Variants in ARNT observed in about 807,000 individuals in gnomAD.
ARNT encodes aryl hydrocarbon receptor nuclear translocator.
A neutral mutation model predicts 105.0 loss-of-function variants in ARNT; 30 were observed. The ratio of observed to expected loss-of-function variants is 0.29; its 90% CI spans 0.21 to 0.39. The LOEUF is 0.39. ARNT is among the 10% of genes least tolerant of loss of function. The pLI is 1.00. For missense variants in ARNT, 748 were observed against 978.7 expected, an observed-to-expected ratio of 0.76 and a Z score of 3.15; for synonymous variants, 304 against 344.0, an observed-to-expected ratio of 0.88 and a Z score of 1.29.
chr1:150,874,018 TAAAAA>T (rs58707975), intron 1 of ARNT, among the ~76,000 whole-genome samples: 98 of 64,420 alleles, frequency 1.5e-3, no homozygotes, highest in African/African-American at 5.1e-3. Context: ...ACAAGAATTG[TAAAAA>T]AAAAAAAAAA....
chr1:150,831,460 T>C (rs1439211941), intron 10 of ARNT: 1 of 187,424 alleles, frequency 5.3e-6, no homozygotes, highest in African/African-American at 2.4e-5. Context: ...TCCCCTTTTC[T>C]CTCAAAGTCT....
rs765896791 is a variant in ARNT at position 150,836,434 on chromosome 1, C to T, written c.546G>A (p.Glu182=). ...CAGACACATACACCACCCTGCCTGTCTCACATGAGACAATAAACAGAAAGC... is the reference window on the plus strand; with the variant it reads ...CAGACACATACACCACCCTGCCTGTTTCACATGAGACAATAAACAGAAAGC... ...ADGFLFIVSC[E]TGRVVYVSDS... The change falls in exon 7 of 22, where the codon GAG becomes GAA. Residue 182 remains glutamate (E), a synonymous_variant. Coordinates refer to ENST00000358595, the MANE Select transcript of ARNT (RefSeq NM_001668.4). 2 of 1,614,132 alleles carry T rather than the reference C, an allele frequency of 1.2e-6. No homozygotes were observed. The highest frequency in any genetic ancestry group is 8.5e-7 in the Non-Finnish European group (1 of 1,180,016).
chr1:150,816,185 T>C, intron 19 of ARNT, 74 bp downstream of exon 19: 4 of 1,514,930 alleles, frequency 2.6e-6, no homozygotes, highest in Non-Finnish European at 3.6e-6. Flanking sequence ...TAGAAAACAC[T>C]GATTTTACAT....
intron 1 of ARNT, 56 bp downstream of exon 1, chr1:150,876,487 T>C: frequency 6.5e-7 from 1 of 1,546,082 alleles, no homozygotes; most frequent in South Asian, 1.2e-5. Context: ...TCTCCTTAGT[T>C]GTCAGCCCCT....
chr1:150,853,303 G>A, intron 2 of ARNT: 1 of 363,054 alleles, frequency 2.8e-6, no homozygotes. Context: ...GTACAAAACT[G>A]GGCAATAGAA....
Position 150,817,066 on chromosome 1 carries a change from T to A in ARNT, c.1699+16A>T, listed in dbSNP as rs1267692925. ...TCTAAATGAGAATTTAAAAGGATAATGAGAAAGAAACATACCCGCATTGAT... is the reference window on the plus strand; with the variant it reads ...TCTAAATGAGAATTTAAAAGGATAAAGAGAAAGAAACATACCCGCATTGAT... On this transcript the variant is annotated intron_variant, in intron 17 of 21. Coordinates refer to ENST00000358595, the MANE Select transcript of ARNT (RefSeq NM_001668.4). 3.1e-6 allele frequency: 5 copies of A among 1,613,900 alleles called. No individual in the cohort carries two copies. Among genetic ancestry groups the A allele is most frequent in the Non-Finnish European group, 4.2e-6 (5 of 1,179,982 alleles).
intron 1 of ARNT, among the ~76,000 whole-genome samples, chr1:150,858,742 T>C (rs1163056056): frequency 6.6e-6 from 1 of 151,562 alleles, no homozygotes; most frequent in African/African-American, 2.4e-5. Context: ...CCACCTCAGC[T>C]TCTGGAATAG....
At chr1:150,835,844 A>G (rs1309689958) in intron 7 of ARNT, among the ~76,000 whole-genome samples, 6 of 152,152 alleles carry the variant, frequency 3.9e-5, no homozygotes, top group African/African-American at 1.4e-4. Flanking sequence ...AACAACAACA[A>G]CAGAAAACAC....
chr1:150,813,676 C>T (rs918852491), intron 20 of ARNT, among the ~76,000 whole-genome samples: 3 of 151,252 alleles, frequency 2.0e-5, no homozygotes, highest in African/African-American at 4.9e-5. Context: ...CGGAGTTTCA[C>T]TCTTGTTGCC....
chr1:150,826,263 C>T (rs1440143300), intron 13 of ARNT, among the ~76,000 whole-genome samples: 1 of 152,160 alleles, frequency 6.6e-6, no homozygotes, highest in Non-Finnish European at 1.5e-5. Flanking sequence ...GGCGCATGAG[C>T]CACCATGCCT....
intron 2 of ARNT, 61 bp from the exon 3 acceptor site, chr1:150,852,867 A>G (rs1663886560): frequency 6.3e-7 from 1 of 1,594,122 alleles, no homozygotes. Flanking sequence ...TTAAGAAGTT[A>G]AAATTTCTCA....
At chr1:150,839,905 C>T (rs1475269699) in intron 5 of ARNT, among the ~76,000 whole-genome samples, 1 of 152,168 alleles carries the variant, frequency 6.6e-6, no homozygotes, top group Non-Finnish European at 1.5e-5. Context: ...GGAAACTTCA[C>T]ATCCTTTGTA....
intron 19 of ARNT, among the ~76,000 whole-genome samples, chr1:150,815,955 G>A (rs1476943437): frequency 6.6e-6 from 1 of 151,800 alleles, no homozygotes; most frequent in Non-Finnish European, 1.5e-5. Context: ...CCTGCCTTAT[G>A]GAGTCCTAAA....
intron 1 of ARNT, among the ~76,000 whole-genome samples, chr1:150,863,550 C>T (rs1032633937): frequency 1.3e-5 from 2 of 151,956 alleles, no homozygotes; most frequent in Non-Finnish European, 2.9e-5. Flanking sequence ...TAAAGGAGAC[C>T]AGGCACAGTG....
At chr1:150,845,966 T>C (rs1662126296) in intron 4 of ARNT, among the ~76,000 whole-genome samples, 1 of 152,134 alleles carries the variant, frequency 6.6e-6, no homozygotes, top group Non-Finnish European at 1.5e-5. Flanking sequence ...CATTTAATAA[T>C]AAATGCAAGC....
chr1:150,820,152 G>A (rs901751095), intron 14 of ARNT, among the ~76,000 whole-genome samples: 1 of 152,148 alleles, frequency 6.6e-6, no homozygotes, highest in African/African-American at 2.4e-5. Flanking sequence ...AGTTGAGTAG[G>A]TGGAATAAAG....
At chr1:150,850,650 C>G (rs945384946) in intron 3 of ARNT, among the ~76,000 whole-genome samples, 1 of 152,242 alleles carries the variant, frequency 6.6e-6, no homozygotes, top group Non-Finnish European at 1.5e-5. Flanking sequence ...ACCTCCCAGC[C>G]GCCTGCCTTG....
At chr1:150,858,282 A>C (rs1664979018) in intron 2 of ARNT, 67 bp downstream of exon 2, 2 of 1,235,424 alleles carry the variant, frequency 1.6e-6, no homozygotes, top group Non-Finnish European at 2.3e-6. Context: ...TTCAGCAACT[A>C]AATAAATTCA....
chr1:150,866,116 G>T (rs996766701), intron 1 of ARNT, among the ~76,000 whole-genome samples: 2 of 151,810 alleles, frequency 1.3e-5, no homozygotes, highest in Non-Finnish European at 2.9e-5. Flanking sequence ...CCAAGTAGCT[G>T]GTACTACAGG....
Sources: gnomAD v4.1 joint callset for allele counts (sites outside exome capture counted in the v4.1 genomes callset) on GRCh38, gnomAD v4.1.1 for gene constraint, MANE v1.5 for transcripts, NCBI Gene and HGNC (gene_info 2026-07-23, HGNC 2026-07-21) for gene names.